Variants in GLI3 observed in about 807,000 individuals in gnomAD.
GLI3 encodes the protein transcription activator GLI3.
GLI3 carries 20 observed loss-of-function variants against 100.8 expected under a neutral mutation model. The observed-to-expected ratio is 0.20, with a 90% confidence interval of 0.14 to 0.29. The LOEUF is 0.29. Among genes scored for constraint, GLI3 ranks in the 10% least tolerant of loss-of-function variants. The pLI is 1.00. For synonymous variants in GLI3, 938 were observed against 860.5 expected (o/e 1.09, Z -1.58); for missense variants, 2,040 against 2,128.5 (o/e 0.96, Z 0.82).
chr7:41,962,430 T>C lies in GLI3; in HGVS notation c.*1900A>G, dbSNP rs1032947527. On this transcript the variant is annotated 3_prime_UTR_variant, in exon 15 of 15. Transcript: ENST00000395925. ...AACTGAAAAGTGGTAGAGCCTCTAC[T>C]TTCCTATGCTCAGATCAGTAGTTCT... 1 of 152,250 alleles carries C rather than the reference T, an allele frequency of 6.6e-6. No individual in the cohort carries two copies. Among genetic ancestry groups the C allele is most frequent in the African/African-American group, 2.4e-5 (1 of 41,478 alleles). 9.4% of individuals were successfully genotyped at this position (152,250 alleles called of 1,614,324 possible). A position where few individuals can be genotyped will look rare whatever the true frequency, so the allele number is the denominator to read the frequency against.
At chr7:41,992,885 C>T (rs1458909701) in intron 10 of GLI3, among the ~76,000 whole-genome samples, 1 of 152,132 alleles carries the variant, frequency 6.6e-6, no homozygotes, top group African/African-American at 2.4e-5. Flanking sequence ...GGAGTGTGGG[C>T]TTAAGCAGGA....
intron 3 of GLI3, among the ~76,000 whole-genome samples, chr7:42,125,887 T>C (rs1786114941): frequency 1.3e-5 from 2 of 152,144 alleles, no homozygotes; most frequent in African/African-American, 2.4e-5. Context: ...GGAATGATCA[T>C]ACAGAACTCG....
chr7:42,236,717 T>A (rs1788806619), intron 1 of GLI3, among the ~76,000 whole-genome samples: 1 of 151,994 alleles, frequency 6.6e-6, no homozygotes, highest in South Asian at 2.1e-4. Context: ...CTCCGGGAGG[T>A]GAAATTCTCC....
At chr7:42,179,425 A>C (rs1294009303) in intron 2 of GLI3, among the ~76,000 whole-genome samples, 1 of 152,172 alleles carries the variant, frequency 6.6e-6, no homozygotes, top group Non-Finnish European at 1.5e-5. Flanking sequence ...CTGTATGGAC[A>C]TTGACTCCAA....
rs75153015 is a variant in GLI3 at position 41,996,449 on chromosome 7, G to T, written c.1498-17701C>A. On this transcript the variant is annotated intron_variant, in intron 10 of 14. Transcript: ENST00000395925. Reference sequence around the variant, plus strand: ...AGAATTCCCCAAGGGTTAGTCAACCGCTGGCTCATATACAAAGAAAATACT... The same window carrying T: ...AGAATTCCCCAAGGGTTAGTCAACCTCTGGCTCATATACAAAGAAAATACT... Among the ~76,000 whole-genome samples, 74 of 152,188 alleles carry T rather than the reference G, an allele frequency of 4.9e-4. No homozygotes were observed. The East Asian group carries it at 9.1e-3, about 19-fold the overall frequency.
At chr7:42,239,584 AAGAC>A (rs1291315138), upstream of GLI3, among the ~76,000 whole-genome samples, 1 of 152,212 alleles carries the variant, frequency 6.6e-6, no homozygotes, top group African/African-American at 2.4e-5. Context: ...AATACAAAGA[AAGAC>A]AGCCAATAAA....
rs1338758976 is a variant in GLI3 at position 42,182,681 on chromosome 7, T to TATAC, written c.125-34214_125-34213insGTAT. ...ATATATATATATATATATATATATA[T>TATAC]ACACATGTGTGTATATATATATACA... On this transcript the variant is annotated intron_variant, in intron 2 of 14. Coordinates refer to ENST00000395925, the MANE Select transcript of GLI3 (RefSeq NM_000168.6). 2.6e-3 allele frequency among the ~76,000 whole-genome samples: 145 copies of TATAC among 56,744 alleles called. 2 individuals carry two copies. Among genetic ancestry groups the TATAC allele is most frequent in the South Asian group, 4.0e-3 (7 of 1,734 alleles). The allele number at this position is 56,744 out of a possible 152,430, so 37.2% of individuals were successfully genotyped here.
chr7:42,142,014 C>T (rs1329232100), intron 3 of GLI3, among the ~76,000 whole-genome samples: 1 of 152,136 alleles, frequency 6.6e-6, no homozygotes, highest in African/African-American at 2.4e-5. Context: ...TAAGTACTGC[C>T]TCGGACTAAT....
At chr7:42,239,910 T>G (rs1459190390), upstream of GLI3, among the ~76,000 whole-genome samples, 1 of 152,362 alleles carries the variant, frequency 6.6e-6, no homozygotes, top group African/African-American at 2.4e-5. Flanking sequence ...ATGCAGTGAC[T>G]TTCTCTCTGT....
At chr7:42,172,634 G>C (rs1206082089) in intron 2 of GLI3, 3 of 702,902 alleles carry the variant, frequency 4.3e-6, no homozygotes, top group Non-Finnish European at 7.8e-6. Context: ...GGACAGCGCG[G>C]ATGCATCCAA....
chr7:42,116,835 A>G (rs1355966978), intron 3 of GLI3, among the ~76,000 whole-genome samples: 1 of 125,534 alleles, frequency 8.0e-6, no homozygotes, highest in Non-Finnish European at 1.6e-5. Context: ...GTCTCATAAG[A>G]GACCTCTTAT....
chr7:42,190,632 T>C (rs1787809172), intron 2 of GLI3, among the ~76,000 whole-genome samples: 1 of 152,174 alleles, frequency 6.6e-6, no homozygotes, highest in Non-Finnish European at 1.5e-5. Context: ...TTTCATGTTG[T>C]GAAAACTTTT....
At chr7:42,120,709 A>G (rs1785976130) in intron 3 of GLI3, among the ~76,000 whole-genome samples, 1 of 152,230 alleles carries the variant, frequency 6.6e-6, no homozygotes, top group African/African-American at 2.4e-5. Flanking sequence ...TATACTCTGA[A>G]TGGCTACTGC....
intron 2 of GLI3, among the ~76,000 whole-genome samples, chr7:42,180,959 G>T (rs919634081): frequency 6.6e-6 from 1 of 152,154 alleles, no homozygotes; most frequent in Non-Finnish European, 1.5e-5. Context: ...CTGGACTGGG[G>T]GCTGGCAAAG....
At chr7:42,210,344 C>G (rs1202273105) in intron 2 of GLI3, among the ~76,000 whole-genome samples, 3 of 129,026 alleles carry the variant, frequency 2.3e-5, no homozygotes, top group African/African-American at 9.1e-5. Context: ...GAAAGCCCCC[C>G]CCCCCCCCCC....
intron 7 of GLI3, among the ~76,000 whole-genome samples, chr7:42,026,755 T>C (rs1337151434): frequency 6.6e-6 from 1 of 152,250 alleles, no homozygotes. Flanking sequence ...TATTGGCTCT[T>C]AGTTCCGTAT....
Position 41,966,509 on chromosome 7 carries a change from C to A in GLI3, c.2564G>T (p.Ser855Ile). ...NRRDSSASTI[S>I]SAYLSSRRSS... ...GCGGCGGCTGCTCAGGTAGGCCGAG[C>A]TGATGGTGCTGGCGCTGCTGTCCCT... Residue 855 changes from serine to isoleucine, a missense_variant, in exon 15 of 15, where the codon AGC becomes ATC. Physicochemically the swap from Ser to Ile is moderately radical, Grantham distance 142. Around this residue, in one of 5 missense-constraint regions of GLI3, gnomAD observed 327 missense variants for 338.7 expected, o/e 0.97. Transcript: ENST00000395925. The surrounding 1 kb of genome is among the most constrained non-coding windows in gnomAD (Gnocchi z 5.8). The A allele has an allele frequency of 6.2e-7, 1 of 1,613,650 alleles. No individual in the cohort carries two copies. The highest frequency in any genetic ancestry group is 8.5e-7 in the Non-Finnish European group (1 of 1,179,986).
At chr7:42,237,575 C>A (rs1032097931), upstream of GLI3, among the ~76,000 whole-genome samples, 6 of 151,816 alleles carry the variant, frequency 4.0e-5, no homozygotes, top group Non-Finnish European at 7.4e-5. Context: ...TCCTCTTCCT[C>A]CTCCTCCCCG....
At chr7:42,101,618 T>TA (rs1785463458) in intron 3 of GLI3, among the ~76,000 whole-genome samples, 1 of 150,732 alleles carries the variant, frequency 6.6e-6, no homozygotes, top group Non-Finnish European at 1.5e-5. Context: ...TTTTTTTTTT[T>TA]AAATGTATAA....
Sources: gnomAD v4.1 joint callset for allele counts (sites outside exome capture counted in the v4.1 genomes callset) on GRCh38, gnomAD v4.1.1 for gene constraint, gnomAD v4.1.1 regional missense constraint, Gnocchi (gnomAD v3.1) non-coding constraint, MANE v1.5 for transcripts, NCBI Gene and HGNC (gene_info 2026-07-23, HGNC 2026-07-21) for gene names.